FSIP1: variants seen among roughly 807,000 people sequenced by gnomAD.
FSIP1 encodes fibrous sheath-interacting protein 1.
In FSIP1, 65 loss-of-function variants were observed where a neutral mutation model predicts 60.9. The observed-to-expected ratio is 1.07, with a 90% CI of 0.87 to 1.31. The LOEUF (loss-of-function observed/expected upper bound fraction) is 1.31, where lower values mean the gene tolerates loss of function less well. Ranked by LOEUF, FSIP1 falls within the 40% of genes most tolerant of loss-of-function variation. FSIP1 has a pLI of 0.00. For synonymous variants in FSIP1, 209 were observed against 221.2 expected, an observed-to-expected ratio of 0.94 and a Z score of 0.49; for missense variants, 675 against 665.5, an observed-to-expected ratio of 1.01 and a Z score of -0.16.
At chr15:39,646,264 C>G (rs1313865085) in intron 10 of FSIP1, among the ~76,000 whole-genome samples, 1 of 152,040 alleles carries the variant, frequency 6.6e-6, no homozygotes, top group Non-Finnish European at 1.5e-5. Context: ...TTGAGCTGTT[C>G]TAACACTAAA....
intron 10 of FSIP1, among the ~76,000 whole-genome samples, chr15:39,711,614 C>T (rs996539846): frequency 6.6e-6 from 1 of 151,684 alleles, no homozygotes; most frequent in Admixed American, 6.6e-5. Context: ...TCACAATGTA[C>T]TATCGTTACC....
rs1893897368 is a variant in FSIP1 at position 39,675,408 on chromosome 15, AC to A, written c.1188+38035del. On this transcript the variant is annotated intron_variant, in intron 10 of 11. Transcript: ENST00000350221. ...GATAACATGTACAAGAATGTTTATC[AC>A]AGTAGCATTCATAACGAAAATCTGA... Among the ~76,000 whole-genome samples, 3 of 152,206 alleles carry A rather than the reference AC, an allele frequency of 2.0e-5. No individual in the cohort carries two copies. In the South Asian group the frequency reaches 6.2e-4, roughly 32 times the overall value.
intron 10 of FSIP1, among the ~76,000 whole-genome samples, chr15:39,643,014 C>T (rs1049513664): frequency 6.6e-6 from 1 of 152,154 alleles, no homozygotes; most frequent in African/African-American, 2.4e-5. Context: ...AGGTGGTAGC[C>T]ATACATTTGA....
intron 5 of FSIP1, among the ~76,000 whole-genome samples, chr15:39,751,397 A>G (rs72727079): frequency 0.092 from 13,381 of 145,894 alleles, 700 homozygotes; most frequent in African/African-American, 0.13. Context: ...AGATGAATGG[A>G]TAAAGCAACT....
chr15:39,738,348 T>C (rs1896688939), intron 7 of FSIP1, 147 bp from the exon 8 acceptor site: 1 of 562,082 alleles, frequency 1.8e-6, no homozygotes, highest in Non-Finnish European at 3.1e-6. Flanking sequence ...GTAATTTTAT[T>C]TTATACCAAA....
At chr15:39,756,815 T>G (rs369978916) in intron 5 of FSIP1, among the ~76,000 whole-genome samples, 1 of 152,150 alleles carries the variant, frequency 6.6e-6, no homozygotes, top group African/African-American at 2.4e-5. Flanking sequence ...CTTAAAATGA[T>G]TCTCTCTGAA....
chr15:39,757,171 A>G (rs1264414620), intron 5 of FSIP1, among the ~76,000 whole-genome samples: 1 of 152,190 alleles, frequency 6.6e-6, no homozygotes, highest in Non-Finnish European at 1.5e-5. Context: ...TACTTATAAA[A>G]ATATCTTATT....
intron 10 of FSIP1, among the ~76,000 whole-genome samples, chr15:39,636,502 C>T (rs1892145763): frequency 1.3e-5 from 2 of 152,166 alleles, no homozygotes; most frequent in East Asian, 3.9e-4. Flanking sequence ...TGTAATGCAA[C>T]TCCTTCAGAT....
intron 10 of FSIP1, among the ~76,000 whole-genome samples, chr15:39,692,479 GA>G (rs1389150577): frequency 6.6e-6 from 1 of 151,654 alleles, no homozygotes; most frequent in African/African-American, 2.4e-5. Flanking sequence ...AGCACTTTAG[GA>G]AAAAAAATAA....
At chr15:39,603,148 T>C (rs1022443679) in intron 11 of FSIP1, among the ~76,000 whole-genome samples, 2 of 152,194 alleles carry the variant, frequency 1.3e-5, no homozygotes, top group Non-Finnish European at 2.9e-5. Context: ...TGAAAAACTC[T>C]TGGAACTTAG....
intron 11 of FSIP1, among the ~76,000 whole-genome samples, chr15:39,614,141 C>G (rs1416252268): frequency 6.6e-6 from 1 of 152,076 alleles, no homozygotes; most frequent in Non-Finnish European, 1.5e-5. Context: ...GAAACTATCT[C>G]TCTTTGCTGA....
intron 1 of FSIP1, among the ~76,000 whole-genome samples, chr15:39,780,294 C>T (rs773136509): frequency 7.2e-5 from 11 of 152,124 alleles, no homozygotes; most frequent in Non-Finnish European, 1.3e-4. Flanking sequence ...GAGGCCGAGG[C>T]GGGCAGATCA....
intron 11 of FSIP1, among the ~76,000 whole-genome samples, chr15:39,614,337 A>C (rs1028595673): frequency 6.6e-6 from 1 of 152,194 alleles, no homozygotes; most frequent in Non-Finnish European, 1.5e-5. Context: ...AATTGTCTCT[A>C]ATAAAAAAAA....
chr15:39,773,733 A>C (rs866777484), intron 2 of FSIP1, among the ~76,000 whole-genome samples: 20 of 152,228 alleles, frequency 1.3e-4, no homozygotes, highest in African/African-American at 4.6e-4. Flanking sequence ...CAAATGTATT[A>C]AGTATGCTAG....
intron 10 of FSIP1, among the ~76,000 whole-genome samples, chr15:39,628,784 T>C (rs1891751430): frequency 6.6e-6 from 1 of 152,194 alleles, no homozygotes; most frequent in East Asian, 1.9e-4. Context: ...CTGTTTGGTA[T>C]TGGGCAAATC....
chr15:39,726,898 G>T, intron 8 of FSIP1, 151 bp from the exon 9 acceptor site: 1 of 601,306 alleles, frequency 1.7e-6, no homozygotes, highest in Non-Finnish European at 2.9e-6. Flanking sequence ...AATTAACATT[G>T]GGTTAGTAAA....
intron 9 of FSIP1, among the ~76,000 whole-genome samples, chr15:39,718,845 G>A (rs781198844): frequency 5.3e-5 from 8 of 152,094 alleles, no homozygotes; most frequent in Non-Finnish European, 8.8e-5. Context: ...CTCTGACAAT[G>A]TGACTCTCCA....
intron 10 of FSIP1, among the ~76,000 whole-genome samples, chr15:39,659,459 G>A (rs938036691): frequency 1.3e-5 from 2 of 151,192 alleles, no homozygotes; most frequent in Non-Finnish European, 1.5e-5. Context: ...GGAGAATGGC[G>A]TGAACCCAGG....
chr15:39,737,235 G>T (rs1416379923), intron 8 of FSIP1, among the ~76,000 whole-genome samples: 1 of 152,068 alleles, frequency 6.6e-6, no homozygotes, highest in East Asian at 1.9e-4. Flanking sequence ...ACCTTCCCGG[G>T]CCCTATAAAT....
Sources: gnomAD v4.1 joint callset for allele counts (sites outside exome capture counted in the v4.1 genomes callset) on GRCh38, gnomAD v4.1.1 for gene constraint, MANE v1.5 for transcripts, NCBI Gene and HGNC (gene_info 2026-07-23, HGNC 2026-07-21) for gene names.